PDE4D: variants seen among roughly 807,000 people sequenced by gnomAD.
PDE4D encodes phosphodiesterase 4D.
A neutral mutation model predicts 87.4 loss-of-function variants in PDE4D; 24 were observed. The observed-to-expected ratio is 0.27, with a 90% CI of 0.20 to 0.39. The LOEUF is 0.39. Ranked by LOEUF, PDE4D falls within the 10% of genes least tolerant of loss-of-function variation. The pLI is 1.00. For missense variants in PDE4D, 714 were observed against 1,041.0 expected, an observed-to-expected ratio of 0.69 and a Z score of 4.32; for synonymous variants, 384 against 383.2, an observed-to-expected ratio of 1.00 and a Z score of -0.02.
intron 1 of PDE4D, among the ~76,000 whole-genome samples, chr5:59,282,610 T>C (rs1581750115): frequency 1.7e-5 from 2 of 117,628 alleles, no homozygotes; most frequent in Non-Finnish European, 1.6e-5. Flanking sequence ...GTCATTGGAC[T>C]CCAACCTGGG....
intron 1 of PDE4D, among the ~76,000 whole-genome samples, chr5:60,512,856 A>C (rs1047589842): frequency 6.6e-6 from 1 of 152,272 alleles, no homozygotes; most frequent in Admixed American, 6.5e-5. Context: ...GGGGCTAACT[A>C]TGTGGGTATA....
At position 59,229,651 on chromosome 5, in the gene PDE4D, A is replaced by C. The variant is rs1171389170; in HGVS notation, c.456-13683T>G. On this transcript the variant is annotated intron_variant, in intron 1 of 14. Coordinates refer to ENST00000340635, the MANE Select transcript of PDE4D (RefSeq NM_001104631.2). Reference sequence around the variant, plus strand: ...CTAGTACCACTTCTTACAACTTGAAAGGGAACCAGGCCAGTGAGAAGCTCT... The same window carrying C: ...CTAGTACCACTTCTTACAACTTGAACGGGAACCAGGCCAGTGAGAAGCTCT... Among the ~76,000 whole-genome samples the C allele has an allele frequency of 4.6e-5, 7 of 152,352 alleles. No homozygotes were observed. In the East Asian group the frequency reaches 1.3e-3, roughly 29 times the overall value.
intron 1 of PDE4D, among the ~76,000 whole-genome samples, chr5:59,240,317 A>G (rs550746930): frequency 6.6e-6 from 1 of 152,294 alleles, no homozygotes; most frequent in African/African-American, 2.4e-5. Flanking sequence ...TCCTATTATA[A>G]ACTAGTTAAA....
chr5:59,150,823 A>G (rs1217524506), intron 5 of PDE4D, among the ~76,000 whole-genome samples: 1 of 151,976 alleles, frequency 6.6e-6, no homozygotes, highest in East Asian at 1.9e-4. Flanking sequence ...GTGTCAAGAG[A>G]AAAAAAAATT....
intron 1 of PDE4D, among the ~76,000 whole-genome samples, chr5:59,464,360 A>C (rs1801242110): frequency 6.6e-6 from 1 of 152,230 alleles, no homozygotes; most frequent in South Asian, 2.1e-4. Context: ...ATAGGGAAAA[A>C]CCGCCTTAAG....
At chr5:59,745,146 G>A (rs1358863883) in intron 1 of PDE4D, among the ~76,000 whole-genome samples, 2 of 152,064 alleles carry the variant, frequency 1.3e-5, no homozygotes, top group Non-Finnish European at 2.9e-5. Context: ...AGATTATATG[G>A]TTAGGGAAAG....
chr5:59,687,137 T>A (rs1750009696), intron 1 of PDE4D, among the ~76,000 whole-genome samples: 1 of 152,130 alleles, frequency 6.6e-6, no homozygotes, highest in Non-Finnish European at 1.5e-5. Context: ...ATCATCAAGT[T>A]ATCTCATGTT....
chr5:59,039,634 C>A, intron 5 of PDE4D: 4 of 443,456 alleles, frequency 9.0e-6, no homozygotes, highest in Non-Finnish European at 1.2e-5. Context: ...GGCTCCTCCT[C>A]AACCCCCTTA....
At chr5:60,071,921 T>C (rs1298112582) in intron 2 of PDE4D, among the ~76,000 whole-genome samples, 1 of 152,176 alleles carries the variant, frequency 6.6e-6, no homozygotes, top group Non-Finnish European at 1.5e-5. Flanking sequence ...AGTTTACCAT[T>C]GATAGGCATT....
intron 1 of PDE4D, among the ~76,000 whole-genome samples, chr5:59,699,169 T>C (rs1752221348): frequency 6.6e-6 from 1 of 152,120 alleles, no homozygotes. Context: ...ATAATTCTGT[T>C]AAAAAATTAT....
chr5:59,115,943 G>A (rs6886791), intron 5 of PDE4D, among the ~76,000 whole-genome samples: 24,706 of 151,988 alleles, frequency 0.16, 2,774 homozygotes, highest in African/African-American at 0.31. Flanking sequence ...AATGATTTTG[G>A]TTGTTTAGAT....
intron 2 of PDE4D, among the ~76,000 whole-genome samples, chr5:60,003,216 A>G (rs1053551839): frequency 2.6e-5 from 4 of 152,180 alleles, no homozygotes; most frequent in Non-Finnish European, 5.9e-5. Context: ...AGATCTCTAC[A>G]CTTAAAGACA....
At position 60,210,754 on chromosome 5, in the gene PDE4D, A is replaced by ATTTTTTT. The variant is rs36007402; in HGVS notation, c.-89-25074_-89-25068dup. On this transcript the variant is annotated intron_variant, in intron 1 of 16. Coordinates refer to the PDE4D transcript ENST00000502484. The stretch of plus-strand genomic sequence containing the variant: ...GGTATTATTTTTATAGGGTTTCCTA[A>ATTTTTTT]TTTTTTTTTTTTTTTCAGAAATATT... Among the ~76,000 whole-genome samples, 34 of 145,956 alleles carry ATTTTTTT rather than the reference A, an allele frequency of 2.3e-4. 1 individual carries two copies. The highest frequency in any genetic ancestry group is 6.6e-4 in the South Asian group (3 of 4,560).
chr5:59,471,636 A>C (rs1802461258), intron 1 of PDE4D, among the ~76,000 whole-genome samples: 1 of 152,220 alleles, frequency 6.6e-6, no homozygotes, highest in Non-Finnish European at 1.5e-5. Context: ...AAATCAGATT[A>C]TTCATTTCCT....
chr5:59,429,825 C>A (rs767163706), intron 1 of PDE4D, among the ~76,000 whole-genome samples: 1 of 152,072 alleles, frequency 6.6e-6, no homozygotes, highest in Admixed American at 6.6e-5. Context: ...AAATACATAA[C>A]CTTGTTCTTC....
At chr5:59,954,437 G>A (rs1324425109) in intron 3 of PDE4D, among the ~76,000 whole-genome samples, 1 of 152,152 alleles carries the variant, frequency 6.6e-6, no homozygotes, top group African/African-American at 2.4e-5. Flanking sequence ...CATCTTGGCA[G>A]TTATTTGAGC....
intron 1 of PDE4D, among the ~76,000 whole-genome samples, chr5:59,738,775 T>C: frequency 6.6e-6 from 1 of 151,998 alleles, no homozygotes; most frequent in South Asian, 2.1e-4. Context: ...TGTAAAATAA[T>C]ACCTATTAGT....
At chr5:59,680,110 T>TA (rs1186995294) in intron 1 of PDE4D, among the ~76,000 whole-genome samples, 1 of 152,112 alleles carries the variant, frequency 6.6e-6, no homozygotes, top group African/African-American at 2.4e-5. Context: ...ACAAAAAGCA[T>TA]AAAAAATACA....
intron 1 of PDE4D, among the ~76,000 whole-genome samples, chr5:59,696,878 T>G (rs781216721): frequency 1.4e-4 from 22 of 151,960 alleles, no homozygotes; most frequent in Admixed American, 9.2e-4. Context: ...GTTGAAGGAA[T>G]GAAGGACTAA....
Sources: gnomAD v4.1 joint callset for allele counts (sites outside exome capture counted in the v4.1 genomes callset) on GRCh38, gnomAD v4.1.1 for gene constraint, MANE v1.5 for transcripts, NCBI Gene and HGNC (gene_info 2026-07-23, HGNC 2026-07-21) for gene names.